The following CRY1 variants were observed in gnomAD, a reference collection of about 807,000 sequenced individuals.
CRY1 encodes the protein cryptochrome circadian regulator 1.
CRY1 carries 45 observed loss-of-function variants against 76.0 expected under a neutral mutation model. That is an observed-to-expected ratio of 0.59 (90% CI 0.47 to 0.76). CRY1 has a LOEUF of 0.76. CRY1 is among the 30% of genes least tolerant of loss of function. CRY1 has a pLI of 0.00. For synonymous variants in CRY1, 248 were observed against 244.0 expected (o/e 1.02, Z -0.15); for missense variants, 587 against 716.4 (o/e 0.82, Z 2.06).
intron 12 of CRY1, 196 bp downstream of exon 12, chr12:106,992,591 C>G (rs1282369912): frequency 4.0e-6 from 2 of 494,184 alleles, no homozygotes; most frequent in African/African-American, 3.8e-5. Flanking sequence ...GAATATAAAA[C>G]TGGTGCAACA....
In CRY1 at chr12:106,999,694, C is replaced by T. The variant is rs1242319573; in HGVS notation, c.994G>A (p.Glu332Lys). The T allele has an allele frequency of 6.2e-7, 1 of 1,614,258 alleles. No homozygotes were observed. Among genetic ancestry groups the T allele is most frequent in the Non-Finnish European group, 8.5e-7 (1 of 1,180,052 alleles). ...KNPEALAKWA[E>K]GRTGFPWIDA... ...ATCCATGGAAAGCCTGTCCGGCCTT[C>T]CGCCCATTTGGCTAAAGCCTCAGGA... is the stretch of plus-strand genomic sequence containing the variant. Residue 332 changes from glutamate to lysine, a missense_variant, in exon 7 of 13, where the codon GAA becomes AAA. By Grantham distance (56) the Glu-to-Lys change is moderately conservative (BLOSUM62 1). Transcript: ENST00000008527.
intron 2 of CRY1, among the ~76,000 whole-genome samples, chr12:107,008,620 G>A (rs951440487): frequency 1.3e-5 from 2 of 152,146 alleles, no homozygotes; most frequent in African/African-American, 4.8e-5. Flanking sequence ...TCACCTTTAA[G>A]TAAGATTTTA....
intron 1 of CRY1, among the ~76,000 whole-genome samples, chr12:107,074,938 C>T (rs990618071): frequency 6.6e-5 from 10 of 151,920 alleles, no homozygotes; most frequent in South Asian, 6.2e-4. Flanking sequence ...TCGCTTGAAC[C>T]GAGGAGGTGG....
chr12:107,068,868 T>C (rs1458182974), intron 1 of CRY1, among the ~76,000 whole-genome samples: 1 of 152,240 alleles, frequency 6.6e-6, no homozygotes, highest in Non-Finnish European at 1.5e-5. Context: ...TCTGGTTTCT[T>C]TCACTTAGAA....
At chr12:107,009,561 A>AAATATATATAT (rs1952417379) in intron 2 of CRY1, among the ~76,000 whole-genome samples, 1 of 27,532 alleles carries the variant, frequency 3.6e-5, no homozygotes, top group African/African-American at 1.0e-4. Flanking sequence ...AAAACAAAAA[A>AAATATATATAT]ACATATATAT....
chr12:107,032,014 A>T (rs557978932), intron 1 of CRY1, among the ~76,000 whole-genome samples: 1 of 152,278 alleles, frequency 6.6e-6, no homozygotes, highest in South Asian at 2.1e-4. Context: ...GGCTCACTGC[A>T]ACCTCCACCT....
At chr12:107,069,613 A>T (rs7488365) in intron 1 of CRY1, among the ~76,000 whole-genome samples, 31,384 of 74,784 alleles carry the variant, frequency 0.42, 4,881 homozygotes, top group Non-Finnish European at 0.53. Context: ...TATATATATA[A>T]AAAGTATATA....
At chr12:106,994,699 G>T (rs1366724670) in intron 10 of CRY1, among the ~76,000 whole-genome samples, 2 of 152,176 alleles carry the variant, frequency 1.3e-5, no homozygotes, top group African/African-American at 4.8e-5. Context: ...AACGACACAG[G>T]TTTGAGTGGT....
chr12:107,017,179 C>T (rs985049371), intron 2 of CRY1, among the ~76,000 whole-genome samples: 15 of 152,262 alleles, frequency 9.9e-5, no homozygotes, highest in South Asian at 2.1e-4. Context: ...AAGCTCCTAA[C>T]ATGATCTATA....
At chr12:107,075,900 G>C (rs1257035496) in intron 1 of CRY1, among the ~76,000 whole-genome samples, 1 of 152,096 alleles carries the variant, frequency 6.6e-6, no homozygotes, top group East Asian at 1.9e-4. Context: ...TATGAAGTTT[G>C]AGTACAAAAA....
chr12:107,008,672 C>T (rs1376110826), intron 2 of CRY1, among the ~76,000 whole-genome samples: 2 of 152,142 alleles, frequency 1.3e-5, no homozygotes, highest in Admixed American at 1.3e-4. Context: ...CTATTTAGCA[C>T]TTGATATGGT....
At chr12:107,022,840 A>G (rs1211040667) in intron 1 of CRY1, among the ~76,000 whole-genome samples, 4 of 147,360 alleles carry the variant, frequency 2.7e-5, no homozygotes, top group African/African-American at 7.9e-5. Flanking sequence ...TGCCAGATTA[A>G]CTTCTAAAAA....
At chr12:107,090,542 C>T (rs1364478268) in intron 1 of CRY1, among the ~76,000 whole-genome samples, 1 of 152,160 alleles carries the variant, frequency 6.6e-6, no homozygotes, top group Non-Finnish European at 1.5e-5. Context: ...ATTTGCATCT[C>T]TTGTCTATCT....
chr12:107,049,321 G>A (rs540373612), intron 1 of CRY1, among the ~76,000 whole-genome samples: 13 of 152,270 alleles, frequency 8.5e-5, no homozygotes, highest in African/African-American at 2.9e-4. Context: ...TGTCAAGTTC[G>A]ATTATCTTGG....
chr12:107,084,300 T>C (rs1172645920), intron 1 of CRY1, among the ~76,000 whole-genome samples: 2 of 152,194 alleles, frequency 1.3e-5, no homozygotes, highest in Non-Finnish European at 2.9e-5. Context: ...AAGTTACCAT[T>C]GACTTTCTTC....
chr12:107,040,552 G>C (rs1176363650), intron 1 of CRY1, among the ~76,000 whole-genome samples: 8 of 151,960 alleles, frequency 5.3e-5, no homozygotes, highest in Admixed American at 5.2e-4. Flanking sequence ...CCAAAGTGCT[G>C]AGATTACAGG....
At chr12:107,055,142 A>T (rs976441354) in intron 1 of CRY1, among the ~76,000 whole-genome samples, 3 of 151,864 alleles carry the variant, frequency 2.0e-5, no homozygotes, top group South Asian at 2.1e-4. Flanking sequence ...TGGACCATTT[A>T]AAAAAAAGTC....
rs202236977 is a variant in CRY1 at position 107,092,966 on chromosome 12, G to C, written c.-5C>G. 136 of 1,535,670 alleles carry C rather than the reference G, an allele frequency of 8.9e-5. No homozygotes were observed. Among genetic ancestry groups the C allele is most frequent in the Non-Finnish European group, 1.2e-4 (132 of 1,145,490 alleles). On this transcript the variant is annotated 5_prime_UTR_variant, in exon 1 of 13. Coordinates refer to ENST00000008527, the MANE Select transcript of CRY1 (RefSeq NM_004075.5). ...GTGCACGGCGTTCACCCCCATGCCG[G>C]GGGGCGCGGCGGGTCCTCCACGGAG...
At chr12:107,004,300 C>T (rs912061155) in intron 3 of CRY1, among the ~76,000 whole-genome samples, 20 of 152,186 alleles carry the variant, frequency 1.3e-4, no homozygotes, top group Middle Eastern at 3.4e-3. Context: ...TTTTTTGATA[C>T]ATTTAAAATG....
Sources: gnomAD v4.1 joint callset for allele counts (sites outside exome capture counted in the v4.1 genomes callset) on GRCh38, gnomAD v4.1.1 for gene constraint, MANE v1.5 for transcripts, NCBI Gene and HGNC (gene_info 2026-07-23, HGNC 2026-07-21) for gene names.